The following ALOX15 variants were observed in gnomAD, a reference collection of about 807,000 sequenced individuals.
ALOX15 encodes polyunsaturated fatty acid lipoxygenase ALOX15.
ALOX15 carries 68 observed loss-of-function variants against 71.7 expected under a neutral mutation model. That is an observed-to-expected ratio of 0.95 (90% CI 0.78 to 1.16). ALOX15 has a LOEUF of 1.16. Among genes scored for constraint, ALOX15 ranks in the 50% most tolerant of loss-of-function variants. ALOX15 has a pLI of 0.00. For synonymous variants in ALOX15, 346 were observed against 333.3 expected, an observed-to-expected ratio of 1.04 and a Z score of -0.42; for missense variants, 798 against 818.8, an observed-to-expected ratio of 0.97 and a Z score of 0.31.
chr17:4,635,704 A>C (rs1353656934), intron 8 of ALOX15, 55 bp downstream of exon 8: 8 of 1,579,132 alleles, frequency 5.1e-6, no homozygotes, highest in South Asian at 1.1e-5. Context: ...AGAGGTCGGA[A>C]CGTGCCCTGG....
intron 8 of ALOX15, among the ~76,000 whole-genome samples, chr17:4,634,116 A>C (rs1248742119): frequency 6.6e-6 from 1 of 152,198 alleles, no homozygotes; most frequent in Non-Finnish European, 1.5e-5. Context: ...TAATCTGTAC[A>C]CCAAGCCCCA....
At chr17:4,638,017 G>A (rs548365625) in intron 6 of ALOX15, among the ~76,000 whole-genome samples, 200 bp downstream of exon 6, 4 of 152,168 alleles carry the variant, frequency 2.6e-5, no homozygotes, top group South Asian at 2.1e-4. Context: ...CATCTTGCAC[G>A]CCCTCCCTCC....
chr17:4,640,960 GA>G (rs1301324215), intron 1 of ALOX15, among the ~76,000 whole-genome samples: 2 of 151,536 alleles, frequency 1.3e-5, no homozygotes, highest in Non-Finnish European at 2.9e-5. Context: ...ATCTGGGAGA[GA>G]GCTAGAGCAG....
At position 4,635,755 on chromosome 17, in the gene ALOX15, T is replaced by A. The variant is rs1457177935; in HGVS notation, c.1161+4A>T. 1 of 1,613,574 alleles carries A rather than the reference T, an allele frequency of 6.2e-7. No homozygotes were observed. Among genetic ancestry groups the A allele is most frequent in the East Asian group, 2.2e-5 (1 of 44,850 alleles). On this transcript the variant is annotated splice_donor_region_variant and intron_variant, in intron 8 of 13. Coordinates refer to ENST00000293761, the MANE Select transcript of ALOX15 (RefSeq NM_001140.5). ...AGGCAAGAGAGAAGGGGATAAGGAG[T>A]TACCTTGAAGATAGGATGTATCGAC...
chr17:4,632,049 C>T lies in ALOX15; in HGVS notation c.1649G>A (p.Trp550Ter). The T allele has an allele frequency of 6.2e-7, 1 of 1,611,304 alleles. No individual in the cohort carries two copies. Among genetic ancestry groups the T allele is most frequent in the Non-Finnish European group, 8.5e-7 (1 of 1,178,488 alleles). ...GGGTGCATTAGGCACCCAAGAGTAC[C>T]AGTCCAGCTAAGGAAGGGCAGGGAT... The part of the protein sequence containing the change: ...HASVHLGQLD[W>*]YSWVPNAPCT... Residue 550 changes from tryptophan (W) to a stop codon, truncating the protein, a stop_gained, in exon 13 of 14, where the codon TGG becomes TAG. Transcript: ENST00000293761. LOFTEE classifies it high-confidence loss of function.
In ALOX15 at chr17:4,641,383, C is replaced by A; in HGVS notation, c.135+134G>T. 5.9e-6 allele frequency: 8 copies of A among 1,346,850 alleles called. No individual in the cohort carries two copies. The South Asian group carries it at 1.2e-4, about 20-fold the overall frequency. The allele number at this position is 1,346,850 out of a possible 1,614,324, so 83.4% of individuals were successfully genotyped here. ...GCCCCCCACCCCCGTGGCCTCCGCG[C>A]GCTTTGAGCCCAATGCGCGGGCCCT... On this transcript the variant is annotated intron_variant, in intron 1 of 13. Coordinates refer to ENST00000293761, the MANE Select transcript of ALOX15 (RefSeq NM_001140.5).
At chr17:4,640,132 G>A (rs1427278798) in intron 1 of ALOX15, among the ~76,000 whole-genome samples, 6 of 127,542 alleles carry the variant, frequency 4.7e-5, no homozygotes, top group African/African-American at 1.5e-4. Context: ...CGGCGGGGAA[G>A]GGAGGGCGAG....
intron 3 of ALOX15, 23 bp downstream of exon 3, chr17:4,639,028 G>A (rs753099107): frequency 1.1e-5 from 17 of 1,614,082 alleles, no homozygotes; most frequent in Admixed American, 3.3e-5. Context: ...CAGCTCACGT[G>A]GGGTCAGGGG....
chr17:4,641,301 G>C (rs1273925105), intron 1 of ALOX15, among the ~76,000 whole-genome samples: 1 of 152,170 alleles, frequency 6.6e-6, no homozygotes, highest in African/African-American at 2.4e-5. Flanking sequence ...ATTCCAAGGA[G>C]ATCGGGTAGC....
rs11568082 is a variant in ALOX15 at position 4,641,003 on chromosome 17, A to G, written c.135+514T>C. On this transcript the variant is annotated intron_variant, in intron 1 of 13. Coordinates refer to ENST00000293761, the MANE Select transcript of ALOX15 (RefSeq NM_001140.5). ...GAATTTGGGCTTTCGCGGAAGAAAA[A>G]AAGTTAACAGGACCGGGTAGAACAC... Among the ~76,000 whole-genome samples, 733 of 151,130 alleles carry G rather than the reference A, an allele frequency of 4.9e-3. 8 individuals are homozygous for G. The highest frequency in any genetic ancestry group is 0.017 in the African/African-American group (685 of 41,216).
chr17:4,631,488 GA>G lies in ALOX15; in HGVS notation c.*111del. On this transcript the variant is annotated 3_prime_UTR_variant, in exon 14 of 14. Coordinates refer to ENST00000293761, the MANE Select transcript of ALOX15 (RefSeq NM_001140.5). The stretch of plus-strand genomic sequence containing the variant: ...GACCATGAAAAGGTGCCCCTCTAGG[GA>G]GGGTGGGACATGGGAAGAGGGTGGG... 7.5e-7 allele frequency: 1 copy of G among 1,341,220 alleles called. No homozygotes were observed. Among genetic ancestry groups the G allele is most frequent in the Non-Finnish European group, 1.0e-6 (1 of 986,248 alleles). The allele number at this position is 1,341,220 out of a possible 1,614,324, so 83.1% of individuals were successfully genotyped here. A position where few individuals can be genotyped will look rare whatever the true frequency, so the allele number is the denominator to read the frequency against.
intron 13 of ALOX15, 21 bp from the exon 14 acceptor site, chr17:4,631,800 T>C: frequency 3.7e-6 from 6 of 1,613,470 alleles, no homozygotes; most frequent in Non-Finnish European, 5.1e-6. Flanking sequence ...GAGGAAAAGG[T>C]GGCTGAGAGC....
Position 4,635,942 on chromosome 17 carries a change from T to C in ALOX15, c.978A>G (p.Pro326=). The C allele has an allele frequency of 6.2e-7, 1 of 1,613,902 alleles. No individual in the cohort carries two copies. Among genetic ancestry groups the C allele is most frequent in the Non-Finnish European group, 8.5e-7 (1 of 1,180,012 alleles). The part of the protein sequence containing the change: ...IQLQLPRTGS[P]PPPLFLPTDP... ...CCGTAGGCAAGAAAAGGGGAGGTGG[T>C]GGGGATCCTGTGCGGGGCAGCTGGA... Residue 326 remains proline (P), a synonymous_variant, in exon 8 of 14, where the codon CCA becomes CCG. Transcript: ENST00000293761.
chr17:4,637,171 G>C lies in ALOX15; in HGVS notation c.895C>G (p.Pro299Ala). The C allele has an allele frequency of 6.2e-7, 1 of 1,613,876 alleles. No homozygotes were observed. The highest frequency in any genetic ancestry group is 8.5e-7 in the Non-Finnish European group (1 of 1,179,906). ...ILCSQQHLAA[P>A]LVMLKLQPDG... ...GGCTGCAATTTCAGCATGACTAGAG[G>C]GGCAGCCAGGTGCTGCTGGCTACAG... Residue 299 changes from proline to alanine, a missense_variant, in exon 7 of 14, where the codon CCT (proline) becomes GCT (alanine). Around this residue, in one of 3 missense-constraint regions of ALOX15, gnomAD observed 490 missense variants for 509.4 expected, o/e 0.96. Transcript: ENST00000293761.
intron 13 of ALOX15, 55 bp from the exon 14 acceptor site, chr17:4,631,834 C>CCA: frequency 6.2e-7 from 1 of 1,608,274 alleles, no homozygotes; most frequent in African/African-American, 1.3e-5. Context: ...GTCTGGGATG[C>CCA]CACACGTCCC....
chr17:4,638,710 T>C (rs1353168186), intron 4 of ALOX15, 26 bp from the exon 5 acceptor site: 1 of 1,613,462 alleles, frequency 6.2e-7, no homozygotes, highest in South Asian at 1.1e-5. Context: ...GGGCAAAGGG[T>C]TTGAGCATCA....
In ALOX15 at chr17:4,639,756, T is replaced by C. The variant is rs1296724990; in HGVS notation, c.136-125A>G. On this transcript the variant is annotated intron_variant, in intron 1 of 13. Transcript: ENST00000293761. ...TCTGAGAGGAGGAGACGTATCGGGG[T>C]GCGGGGACTGAGCCAGAGAGAGAGG... 4 of 966,850 alleles carry C rather than the reference T, an allele frequency of 4.1e-6. No homozygotes were observed. In the Admixed American group the frequency reaches 7.4e-5, roughly 18 times the overall value. 59.9% of individuals were successfully genotyped at this position (966,850 alleles called of 1,614,324 possible).
chr17:4,637,102 T>C lies in ALOX15; in HGVS notation c.951+13A>G, dbSNP rs1302577263. ...AGCCAGAGACTGGGAGCAGAAATCC[T>C]GAGTCCTCTCACCTGGATGACCATG... On this transcript the variant is annotated intron_variant, in intron 7 of 13. Transcript: ENST00000293761. 1 of 1,600,924 alleles carries C rather than the reference T, an allele frequency of 6.2e-7. No homozygotes were observed. Among genetic ancestry groups the C allele is most frequent in the Non-Finnish European group, 8.5e-7 (1 of 1,172,202 alleles).
intron 8 of ALOX15, among the ~76,000 whole-genome samples, chr17:4,635,276 C>CA (rs1356539874): frequency 6.6e-5 from 10 of 150,498 alleles, no homozygotes; most frequent in African/African-American, 1.2e-4. Context: ...ATTAAAAATA[C>CA]AAAAAAAATT....
Sources: gnomAD v4.1 joint callset for allele counts (sites outside exome capture counted in the v4.1 genomes callset) on GRCh38, gnomAD v4.1.1 for gene constraint, gnomAD v4.1.1 regional missense constraint, MANE v1.5 for transcripts, NCBI Gene and HGNC (gene_info 2026-07-23, HGNC 2026-07-21) for gene names.